The following ACBD3 variants were observed in gnomAD, a reference collection of about 807,000 sequenced individuals.
ACBD3 encodes the protein acyl-CoA binding domain containing 3.
Under a neutral mutation model 66.9 loss-of-function variants are expected in ACBD3, and 30 were observed. The ratio of observed to expected loss-of-function variants is 0.45; its 90% confidence interval spans 0.34 to 0.61. The LOEUF (loss-of-function observed/expected upper bound fraction) is 0.61. ACBD3 is among the 20% of genes least tolerant of loss of function. The probability of loss-of-function intolerance (pLI) is 0.02; values close to 1 mark genes in which losing one functional copy is unlikely to be tolerated. For missense variants in ACBD3, 544 were observed against 664.5 expected, an observed-to-expected ratio of 0.82 and a Z score of 1.99; for synonymous variants, 278 against 259.8, an observed-to-expected ratio of 1.07 and a Z score of -0.68.
intron 5 of ACBD3, among the ~76,000 whole-genome samples, chr1:226,157,925 A>G (rs893149712): frequency 5.3e-5 from 8 of 152,238 alleles, no homozygotes; most frequent in Non-Finnish European, 1.2e-4. Context: ...ATAGCAACCT[A>G]TAAACAGGAC....
chr1:226,165,153 A>G (rs1201679986), intron 2 of ACBD3, among the ~76,000 whole-genome samples: 3 of 152,062 alleles, frequency 2.0e-5, no homozygotes, highest in African/African-American at 7.2e-5. Context: ...CCATATAGCA[A>G]AAGAGTATCA....
At chr1:226,164,991 A>C in intron 2 of ACBD3, 62 bp from the exon 3 acceptor site, 1 of 1,433,322 alleles carries the variant, frequency 7.0e-7, no homozygotes, top group Admixed American at 2.5e-5. Flanking sequence ...TTTTAAATTT[A>C]AACCTAAATA....
intron 5 of ACBD3, among the ~76,000 whole-genome samples, chr1:226,157,618 T>C (rs534505593): frequency 1.3e-5 from 2 of 152,186 alleles, no homozygotes; most frequent in East Asian, 1.9e-4. Context: ...CAGCTCACTA[T>C]AGCCTCAAAC....
intron 4 of ACBD3, among the ~76,000 whole-genome samples, chr1:226,160,939 T>G (rs1659759863): frequency 6.6e-6 from 1 of 152,226 alleles, no homozygotes; most frequent in African/African-American, 2.4e-5. Flanking sequence ...CTCTGTCAGA[T>G]GCATGGAAAC....
chr1:226,177,162 CTG>C (rs1021474047), intron 1 of ACBD3, among the ~76,000 whole-genome samples: 4 of 124,076 alleles, frequency 3.2e-5, no homozygotes, highest in Non-Finnish European at 6.5e-5. Flanking sequence ...TCCCATGTAG[CTG>C]TTTTTTTTTT....
At position 226,157,557 on chromosome 1, in the gene ACBD3, C is replaced by T. The variant is rs190294822; in HGVS notation, c.903+1627G>A. Among the ~76,000 whole-genome samples the T allele has an allele frequency of 2.6e-3, 391 of 151,120 alleles. 4 individuals carry two copies. The highest frequency in any genetic ancestry group is 9.2e-3 in the African/African-American group (380 of 41,100). On this transcript the variant is annotated intron_variant, in intron 5 of 7. Coordinates refer to ENST00000366812, the MANE Select transcript of ACBD3 (RefSeq NM_022735.4). ...CCTGGCCTATGGCTTTTTTTTTCCT[C>T]GAGACAGGGTCTCACTCTGTCACCC...
In ACBD3 at chr1:226,152,381, G is replaced by C; in HGVS notation, c.1329C>G (p.Val443=). 6.2e-7 allele frequency: 1 copy of C among 1,614,198 alleles called. No homozygotes were observed. Among genetic ancestry groups the C allele is most frequent in the Non-Finnish European group, 8.5e-7 (1 of 1,180,038 alleles). The part of the protein sequence containing the change: ...FEWTDSPNTA[V]SVHVSESSDD... ...CGCTGGACTCACTGACATGCACGCTGACAGCAGTGTTTGGAGAGTCTGTCC... is the reference window on the plus strand; with the variant it reads ...CGCTGGACTCACTGACATGCACGCTCACAGCAGTGTTTGGAGAGTCTGTCC... The change falls in exon 7 of 8, where the codon GTC becomes GTG. Residue 443 remains valine, a synonymous_variant. Coordinates refer to ENST00000366812, the MANE Select transcript of ACBD3 (RefSeq NM_022735.4).
intron 4 of ACBD3, among the ~76,000 whole-genome samples, chr1:226,159,835 T>C (rs540843889): frequency 6.6e-6 from 1 of 152,308 alleles, no homozygotes; most frequent in South Asian, 2.1e-4. Flanking sequence ...AGATGATGGA[T>C]TGTCATCTCT....
intron 3 of ACBD3, 44 bp from the exon 4 acceptor site, chr1:226,161,733 G>A: frequency 6.6e-7 from 1 of 1,503,868 alleles, no homozygotes; most frequent in Non-Finnish European, 8.8e-7. Context: ...GTTGAATCCT[G>A]TTTAAAAATA....
Position 226,186,655 on chromosome 1 carries a change from T to C in ACBD3, c.21A>G (p.Ala7=). The C allele has an allele frequency of 6.6e-7, 1 of 1,510,830 alleles. No homozygotes were observed. The highest frequency in any genetic ancestry group is 8.8e-7 in the Non-Finnish European group (1 of 1,136,190). 93.6% of individuals were successfully genotyped at this position (1,510,830 alleles called of 1,614,324 possible). The part of the protein sequence containing the change: MAAVLN[A]ERLEVSVDGL... ...CGTCGACGGACACCTCGAGTCGCTC[T>C]GCGTTCAGCACCGCCGCCATCTCCG... The change falls in exon 1 of 8, where the codon GCA becomes GCG. Residue 7 remains alanine, a synonymous_variant. Transcript: ENST00000366812.
chr1:226,164,277 A>G (rs1378814266), intron 3 of ACBD3, among the ~76,000 whole-genome samples: 1 of 152,172 alleles, frequency 6.6e-6, no homozygotes, highest in Non-Finnish European at 1.5e-5. Context: ...CACAACTACA[A>G]CAGAGAATCC....
At chr1:226,170,836 G>A (rs1049360820) in intron 1 of ACBD3, among the ~76,000 whole-genome samples, 2 of 152,186 alleles carry the variant, frequency 1.3e-5, no homozygotes, top group African/African-American at 2.4e-5. Flanking sequence ...CTGGAGGGCA[G>A]TGGCACGATC....
intron 1 of ACBD3, among the ~76,000 whole-genome samples, chr1:226,181,358 T>G (rs1656166533): frequency 1.3e-5 from 2 of 152,212 alleles, no homozygotes; most frequent in Non-Finnish European, 2.9e-5. Context: ...TAAATGCTCT[T>G]GTAGTTGCCT....
chr1:226,182,673 C>A (rs1461776170), intron 1 of ACBD3, among the ~76,000 whole-genome samples: 1 of 152,114 alleles, frequency 6.6e-6, no homozygotes, highest in Non-Finnish European at 1.5e-5. Context: ...AGTTACCTTC[C>A]CAGCTCTCTC....
rs763152788 is a variant in ACBD3 at position 226,152,530 on chromosome 1, C to T, written c.1180G>A (p.Val394Met). ...ACTTCTCCTCGGCCCACTGTAATCA[C>T]GGAATCTGCATCCTGCTGAATCTTC... is the stretch of plus-strand genomic sequence containing the variant. The part of the protein sequence containing the change: ...KEKIQQDADS[V>M]ITVGRGEVVT... The change falls in exon 7 of 8, where the codon GTG becomes ATG. Residue 394 changes from valine to methionine, a missense_variant. Physicochemically the swap from Val to Met is conservative, Grantham distance 21 (BLOSUM62 1). Transcript: ENST00000366812. 53 of 1,614,070 alleles carry T rather than the reference C, an allele frequency of 3.3e-5. No individual in the cohort carries two copies. The Admixed American group carries it at 4.5e-4, about 14-fold the overall frequency.
chr1:226,154,895 C>A, intron 5 of ACBD3, 62 bp from the exon 6 acceptor site: 1 of 1,444,006 alleles, frequency 6.9e-7, no homozygotes. Context: ...AGACATCTGC[C>A]CTGGAGTACA....
At chr1:226,164,385 AG>A (rs1403773769) in intron 3 of ACBD3, among the ~76,000 whole-genome samples, 1 of 152,184 alleles carries the variant, frequency 6.6e-6, no homozygotes, top group African/African-American at 2.4e-5. Context: ...TGTCTATATA[AG>A]GTAGCATAGT....
chr1:226,177,461 G>A (rs187694698), intron 1 of ACBD3, among the ~76,000 whole-genome samples: 12 of 151,712 alleles, frequency 7.9e-5, no homozygotes, highest in Admixed American at 2.6e-4. Flanking sequence ...CTCCCAGAGT[G>A]CTGGGATTAC....
At chr1:226,158,270 T>A (rs1159300547) in intron 5 of ACBD3, among the ~76,000 whole-genome samples, 1 of 152,230 alleles carries the variant, frequency 6.6e-6, no homozygotes, top group East Asian at 1.9e-4. Flanking sequence ...AATGTAACAC[T>A]TTTCTTCACT....
Sources: allele counts gnomAD v4.1 joint callset (sites outside exome capture counted in the v4.1 genomes callset), GRCh38; gene constraint gnomAD v4.1.1; transcripts MANE v1.5; gene names NCBI Gene and HGNC (gene_info 2026-07-23, HGNC 2026-07-21).